The following RHNO1 variants were observed in gnomAD, a reference collection of about 807,000 sequenced individuals.
RHNO1 encodes RAD9-HUS1-RAD1 interacting nuclear orphan 1, also known as RAD9, HUS1, RAD1-interacting nuclear orphan protein 1.
RHNO1 carries 9 observed loss-of-function variants against 7.2 expected under a neutral mutation model. The observed-to-expected ratio is 1.25, with a 90% CI of 0.75 to 2.18. The LOEUF is 2.18. Among genes scored for constraint, RHNO1 ranks in the 30% most tolerant of loss-of-function variants. The probability of loss-of-function intolerance (pLI) is 0.00; values close to 1 mark genes in which losing one functional copy is unlikely to be tolerated. For synonymous variants in RHNO1, 95 were observed against 107.5 expected, an observed-to-expected ratio of 0.88 and a Z score of 0.72; for missense variants, 292 against 284.5, an observed-to-expected ratio of 1.03 and a Z score of -0.19.
At chr12:2,885,207 T>A (rs534667658) in intron 1 of RHNO1, 76 bp from the exon 2 acceptor site, 2 of 657,456 alleles carry the variant, frequency 3.0e-6, no homozygotes, top group Non-Finnish European at 5.2e-6. Flanking sequence ...TATGGTAGAA[T>A]TGGCTGGCAG....
Position 2,885,455 on chromosome 12 carries a change from G to C in RHNO1, c.89G>C (p.Cys30Ser). Residue 30 changes from cysteine to serine, a missense_variant, in exon 2 of 3, where the codon TGT becomes TCT. Transcript: ENST00000489288. ...QQPLEGPKHSCASTQLPITHT... is the reference protein window; with the variant it reads ...QQPLEGPKHSSASTQLPITHT... ...CCACTGGAGGGCCCCAAACACAGCT[G>C]TGCATCTACACAGCTTCCCATCACT... The C allele has an allele frequency of 1.2e-6, 2 of 1,613,144 alleles. No individual in the cohort carries two copies. Among genetic ancestry groups the C allele is most frequent in the Non-Finnish European group, 1.7e-6 (2 of 1,179,838 alleles).
rs539315304 is a variant in RHNO1 at position 2,885,699 on chromosome 12, C to T, written c.168+165C>T. 15 of 571,368 alleles carry T rather than the reference C, an allele frequency of 2.6e-5. 1 individual carries two copies. Among genetic ancestry groups the T allele is most frequent in the South Asian group, 1.6e-4 (6 of 36,398 alleles). 35.4% of individuals were successfully genotyped at this position (571,368 alleles called of 1,614,324 possible). A position where few individuals can be genotyped will look rare whatever the true frequency, so the allele number is the denominator to read the frequency against. On this transcript the variant is annotated intron_variant, in intron 2 of 2. Coordinates refer to ENST00000489288, the MANE Select transcript of RHNO1 (RefSeq NM_001252499.3). ...ACACCATTCTCCTGCCTCAGCCTCC[C>T]GAGGAGCTGGAACTACAGGCACCCG...
At chr12:2,878,718 CAGAG>C (rs755111143) in intron 1 of RHNO1, among the ~76,000 whole-genome samples, 8 of 151,520 alleles carry the variant, frequency 5.3e-5, no homozygotes, top group South Asian at 2.1e-4. Context: ...AAGAAGGAGA[CAGAG>C]AGAGTAAAAA....
intron 1 of RHNO1, among the ~76,000 whole-genome samples, chr12:2,878,913 G>A (rs1335458394): frequency 6.6e-6 from 1 of 151,832 alleles, no homozygotes; most frequent in Non-Finnish European, 1.5e-5. Context: ...GGTTGTCAGG[G>A]GAATGATCGT....
At chr12:2,884,308 AT>A (rs373930764) in intron 1 of RHNO1, among the ~76,000 whole-genome samples, 91 of 152,246 alleles carry the variant, frequency 6.0e-4, no homozygotes, top group Middle Eastern at 6.8e-3. Context: ...ATCTCAGCTC[AT>A]TGCAACCTCC....
intron 1 of RHNO1, among the ~76,000 whole-genome samples, chr12:2,880,740 C>G (rs1483057806): frequency 1.3e-5 from 2 of 151,906 alleles, no homozygotes; most frequent in African/African-American, 4.8e-5. Context: ...CTCAAGTGAT[C>G]CTCCCACCTC....
chr12:2,889,424 C>T lies in RHNO1; in HGVS notation c.*965C>T, dbSNP rs545011301. 3 of 152,236 alleles carry T rather than the reference C, an allele frequency of 2.0e-5. No individual in the cohort carries two copies. The East Asian group carries it at 5.8e-4, about 29-fold the overall frequency. The allele number at this position is 152,236 out of a possible 1,614,324, so 9.4% of individuals were successfully genotyped here. A position where few individuals can be genotyped will look rare whatever the true frequency, so the allele number is the denominator to read the frequency against. The stretch of plus-strand genomic sequence containing the variant: ...TAAGGAAAGTTTTCAATGAGTATTA[C>T]TTATTGTAATTAATGCAGAAGGACT... On this transcript the variant is annotated 3_prime_UTR_variant, in exon 3 of 3. Coordinates refer to ENST00000489288, the MANE Select transcript of RHNO1 (RefSeq NM_001252499.3).
At chr12:2,880,482 G>C (rs1390032254) in intron 1 of RHNO1, among the ~76,000 whole-genome samples, 1 of 151,718 alleles carries the variant, frequency 6.6e-6, no homozygotes, top group Non-Finnish European at 1.5e-5. Context: ...GCTGGGCGTG[G>C]TGAGGGCGCC....
In RHNO1 at chr12:2,881,030, C is replaced by A. The variant is rs180889659; in HGVS notation, c.-85+3748C>A. On this transcript the variant is annotated intron_variant, in intron 1 of 2. Coordinates refer to ENST00000489288, the MANE Select transcript of RHNO1 (RefSeq NM_001252499.3). ...GTACCCATTTGAAGCTGATGACTTT[C>A]AGCAAGTCATGAATTTCAAAACTAT... 3.9e-5 allele frequency among the ~76,000 whole-genome samples: 6 copies of A among 152,224 alleles called. No homozygotes were observed. In the East Asian group the frequency reaches 1.2e-3, roughly 29 times the overall value.
At chr12:2,879,506 G>T (rs2098154661) in intron 1 of RHNO1, among the ~76,000 whole-genome samples, 1 of 151,628 alleles carries the variant, frequency 6.6e-6, no homozygotes, top group Non-Finnish European at 1.5e-5. Flanking sequence ...CTGATTTTTT[G>T]TATTTTTTGT....
chr12:2,883,505 ATATATATTT>A (rs1316934562), intron 1 of RHNO1, among the ~76,000 whole-genome samples: 116 of 31,776 alleles, frequency 3.7e-3, no homozygotes, highest in African/African-American at 0.012. Flanking sequence ...ATATATATAT[ATATATATTT>A]TTTTTTTTTT....
Position 2,889,521 on chromosome 12 carries a change from T to G in RHNO1, c.*1062T>G, listed in dbSNP as rs1404959679. 6.6e-6 allele frequency: 1 copy of G among 152,196 alleles called. No individual in the cohort carries two copies. Among genetic ancestry groups the G allele is most frequent in the Non-Finnish European group, 1.5e-5 (1 of 68,036 alleles). 9.4% of individuals were successfully genotyped at this position (152,196 alleles called of 1,614,324 possible). A position where few individuals can be genotyped will look rare whatever the true frequency, so the allele number is the denominator to read the frequency against. The stretch of plus-strand genomic sequence containing the variant: ...TCTCATTAAACCCATTCATTTAGCA[T>G]TCATTCAGCTGGACCTACTGTGTCA... On this transcript the variant is annotated 3_prime_UTR_variant, in exon 3 of 3. Coordinates refer to ENST00000489288, the MANE Select transcript of RHNO1 (RefSeq NM_001252499.3).
intron 2 of RHNO1, chr12:2,885,870 CGGCCT>C (rs1565489904): frequency 1.2e-5 from 2 of 160,632 alleles, no homozygotes; most frequent in African/African-American, 4.9e-5. Flanking sequence ...CCACCGCGCC[CGGCCT>C]ACTTTGACTT....
rs568336980 is a variant in RHNO1, at chr12:2,881,992, ATAT to A, written c.-84-3286_-84-3284del. 5.5e-4 allele frequency among the ~76,000 whole-genome samples: 83 copies of A among 151,880 alleles called. 3 individuals are homozygous for A. The highest frequency in any genetic ancestry group is 1.9e-3 in the African/African-American group (79 of 41,340). On this transcript the variant is annotated intron_variant, in intron 1 of 2. Coordinates refer to ENST00000489288, the MANE Select transcript of RHNO1 (RefSeq NM_001252499.3). ...ACTGCCTAGTCATATAAGTCAAAGC[ATAT>A]TATTTTTTGTTGTTGATTGAATGGA... is the stretch of plus-strand genomic sequence containing the variant.
Position 2,885,567 on chromosome 12 carries a change from T to G in RHNO1, c.168+33T>G, listed in dbSNP as rs1255873701. 21 of 566,126 alleles carry G rather than the reference T, an allele frequency of 3.7e-5. No individual in the cohort carries two copies. In the South Asian group the frequency reaches 4.0e-4, roughly 11 times the overall value. The allele number at this position is 566,126 out of a possible 1,614,324, so 35.1% of individuals were successfully genotyped here. ...CATGGGATTACTATTTGACATTTTT[T>G]TTTTTTTTTTTTTTTTTTTTTTTTT... is the stretch of plus-strand genomic sequence containing the variant. On this transcript the variant is annotated intron_variant, in intron 2 of 2. Transcript: ENST00000489288.
chr12:2,885,743 T>C (rs1461041247), intron 2 of RHNO1: 3 of 436,970 alleles, frequency 6.9e-6, no homozygotes, highest in African/African-American at 2.0e-5. Flanking sequence ...CCCGGCTAAT[T>C]TTTTTGTATT....
chr12:2,883,311 G>A (rs1047855882), intron 1 of RHNO1, among the ~76,000 whole-genome samples: 2 of 150,614 alleles, frequency 1.3e-5, no homozygotes, highest in Non-Finnish European at 3.0e-5. Flanking sequence ...GGGAGGTCAA[G>A]GCTGTGGTGA....
rs920024544 is a variant in RHNO1, at chr12:2,878,497, C to T, written c.-85+1215C>T. On this transcript the variant is annotated intron_variant, in intron 1 of 2. Coordinates refer to ENST00000489288, the MANE Select transcript of RHNO1 (RefSeq NM_001252499.3). ...GGAGGAAGCAGAGCCTTAGCCATAC[C>T]GAGAAGTTTTGTGCTTATCCAAGAA... 3.3e-5 allele frequency among the ~76,000 whole-genome samples: 5 copies of T among 151,858 alleles called. No individual in the cohort carries two copies. The East Asian group carries it at 5.8e-4, about 18-fold the overall frequency.
chr12:2,881,644 C>T (rs1292275439), intron 1 of RHNO1, among the ~76,000 whole-genome samples: 6 of 151,896 alleles, frequency 4.0e-5, no homozygotes, highest in African/African-American at 9.7e-5. Flanking sequence ...TGGTGGCTCA[C>T]GCCTGTAATC....
Sources: allele counts gnomAD v4.1 joint callset (sites outside exome capture counted in the v4.1 genomes callset), GRCh38; gene constraint gnomAD v4.1.1; transcripts MANE v1.5; gene names NCBI Gene and HGNC (gene_info 2026-07-23, HGNC 2026-07-21).